The following CHD8 variants were observed in gnomAD, a reference collection of about 807,000 sequenced individuals.
The protein encoded by CHD8 is chromodomain helicase DNA binding protein 8.
A neutral mutation model predicts 279.2 loss-of-function variants in CHD8; 31 were observed. The ratio of observed to expected loss-of-function variants is 0.11; its 90% CI spans 0.08 to 0.15. The LOEUF (loss-of-function observed/expected upper bound fraction) is 0.15, where lower values mean the gene tolerates loss of function less well. Among genes scored for constraint, CHD8 ranks in the 10% least tolerant of loss-of-function variants. The pLI is 1.00. For missense variants in CHD8, 2,146 were observed against 3,230.5 expected, an observed-to-expected ratio of 0.66 and a Z score of 8.14; for synonymous variants, 1,081 against 1,139.6, an observed-to-expected ratio of 0.95 and a Z score of 1.04.
At chr14:21,406,161 T>C (rs1888247070) in intron 14 of CHD8, among the ~76,000 whole-genome samples, 1 of 152,224 alleles carries the variant, frequency 6.6e-6, no homozygotes, top group African/African-American at 2.4e-5. Context: ...TGTCTCTCCA[T>C]ATTCAACTCC....
At chr14:21,410,279 A>G (rs550377830) in intron 10 of CHD8, among the ~76,000 whole-genome samples, 1 of 152,362 alleles carries the variant, frequency 6.6e-6, no homozygotes, top group African/African-American at 2.4e-5. Context: ...ATGAAAAAAA[A>G]AAGACTAATC....
At chr14:21,450,624 AG>A (rs1446161928) in intron 1 of CHD8, among the ~76,000 whole-genome samples, 2 of 152,066 alleles carry the variant, frequency 1.3e-5, no homozygotes, top group Non-Finnish European at 2.9e-5. Context: ...ACTGCACTCC[AG>A]CCTACATAAC....
rs900512411 is a variant in CHD8 at position 21,409,941 on chromosome 14, A to G, written c.2274T>C (p.Asp758=). Residue 758 remains aspartate (D), a synonymous_variant, in exon 11 of 38, where the codon GAT becomes GAC. Transcript: ENST00000646647. The stretch of plus-strand genomic sequence containing the variant: ...CATCTTCTTTTAGCTCCCATGTGCT[A>G]TCCTCATAGGGCAGAGAGCACCATT... ...LVKWCSLPYE[D]STWELKEDVD... is the part of the protein sequence containing the mutation. 4 of 1,613,260 alleles carry G rather than the reference A, an allele frequency of 2.5e-6. No individual in the cohort carries two copies. The highest frequency in any genetic ancestry group is 3.4e-6 in the Non-Finnish European group (4 of 1,179,386).
intron 5 of CHD8, chr14:21,416,456 C>T (rs1017891987): frequency 1.3e-5 from 2 of 152,256 alleles, no homozygotes; most frequent in South Asian, 4.1e-4. Context: ...AGCAACACTT[C>T]CAGCTCATGA....
In CHD8 at chr14:21,408,888, G is replaced by T. The variant is rs1355056606; in HGVS notation, c.2365-63C>A. 6.6e-7 allele frequency: 1 copy of T among 1,516,060 alleles called. No homozygotes were observed. Among genetic ancestry groups the T allele is most frequent in the African/African-American group, 1.4e-5 (1 of 72,156 alleles). 93.9% of individuals were successfully genotyped at this position (1,516,060 alleles called of 1,614,324 possible). Reference sequence around the variant, plus strand: ...ATTATCAAAAGGTAAGACTTACTAGGTAAGTTCTAATAGTTAAAATCAATT... The same window carrying T: ...ATTATCAAAAGGTAAGACTTACTAGTTAAGTTCTAATAGTTAAAATCAATT... On this transcript the variant is annotated intron_variant, in intron 11 of 37. Transcript: ENST00000646647. This position sits in a 1 kb window ranked among gnomAD's most constrained non-coding sequence, Gnocchi z 4.3.
Position 21,390,952 on chromosome 14 carries a change from TC to T in CHD8, c.7176del (p.Lys2394ArgfsTer36). 1.3e-6 allele frequency: 2 copies of T among 1,563,338 alleles called. No individual in the cohort carries two copies. The highest frequency in any genetic ancestry group is 1.1e-5 in the South Asian group (1 of 87,244). On this transcript the variant is annotated frameshift_variant, in exon 37 of 38. Coordinates refer to ENST00000646647, the MANE Select transcript of CHD8 (RefSeq NM_001170629.2). LOFTEE classifies it high-confidence loss of function. ...AATGCTGCAATTTCTCTCACCTTTT[TC>T]CCATTTCTAGAGTTAGCTGTCTGTA... Reference protein sequence around the residue: ...EPVQTANSRNGKKGHHTETVF... With the variant: ...EPVQTANSRNXKKGHHTETVF...
intron 1 of CHD8, among the ~76,000 whole-genome samples, chr14:21,432,248 TATAG>T (rs1389075164): frequency 6.6e-6 from 1 of 152,220 alleles, no homozygotes; most frequent in East Asian, 1.9e-4. Context: ...ACAGTGACTC[TATAG>T]ATAAAGGTTT....
At chr14:21,442,407 G>A (rs541139202) in intron 1 of CHD8, among the ~76,000 whole-genome samples, 25 of 152,190 alleles carry the variant, frequency 1.6e-4, no homozygotes, top group Admixed American at 5.9e-4. Flanking sequence ...TGAGGTTGCA[G>A]TGAGTCAAGA....
rs770933277 is a variant in CHD8, at chr14:21,406,950, C to T, written c.2813G>A (p.Arg938His). 2.5e-6 allele frequency: 4 copies of T among 1,611,728 alleles called. No individual in the cohort carries two copies. Among genetic ancestry groups the T allele is most frequent in the East Asian group, 4.5e-5 (2 of 44,848 alleles). Residue 938 changes from arginine to histidine, a missense_variant, in exon 14 of 38, where the codon CGT becomes CAT. Arg to His is a conservative substitution (Grantham distance 29). This residue lies in a region of CHD8 where 211 missense variants were observed against 464.7 expected (regional missense o/e 0.45). Coordinates refer to ENST00000646647, the MANE Select transcript of CHD8 (RefSeq NM_001170629.2). ...GATAACACAACGCCATTCAATTTCA[C>T]GAAGCTCAGGACAATCTGACAAAAT... ...EMILSDCPEL[R>H]EIEWRCVIID...
chr14:21,399,850 A>G (rs1267112996), intron 25 of CHD8, 131 bp downstream of exon 25: 23 of 982,460 alleles, frequency 2.3e-5, no homozygotes, highest in Non-Finnish European at 3.7e-5. Flanking sequence ...AGTGTCAAGT[A>G]TAAGATTAAA....
intron 1 of CHD8, among the ~76,000 whole-genome samples, chr14:21,433,020 T>C (rs182369989): frequency 1.3e-5 from 2 of 152,328 alleles, no homozygotes; most frequent in East Asian, 1.9e-4. Context: ...CACAACTCTG[T>C]ACCATGGCCC....
Position 21,386,138 on chromosome 14 carries a change from T to G in CHD8, c.7221A>C (p.Pro2407=). The G allele has an allele frequency of 6.4e-7, 1 of 1,552,450 alleles. No homozygotes were observed. The highest frequency in any genetic ancestry group is 8.7e-7 in the Non-Finnish European group (1 of 1,147,474). The change falls in exon 38 of 38, where the codon CCA becomes CCC. Residue 2407 remains proline, a synonymous_variant. Transcript: ENST00000646647. The part of the protein sequence containing the change: ...HTETVFNRVL[P]GPIAPESSKK... ...TGCTGCTCTCTGGTGCAATAGGCCC[T>G]GGCAAAACCCGGTTGAACACCGTTT...
intron 37 of CHD8, among the ~76,000 whole-genome samples, chr14:21,390,639 G>A (rs950150889): frequency 2.6e-5 from 4 of 152,064 alleles, no homozygotes; most frequent in Middle Eastern, 3.4e-3. Flanking sequence ...TTAGCCAGGC[G>A]CGGTGGCAGG....
At chr14:21,396,094 T>C (rs566594878) in intron 27 of CHD8, among the ~76,000 whole-genome samples, 2 of 152,238 alleles carry the variant, frequency 1.3e-5, no homozygotes, top group South Asian at 4.2e-4. Flanking sequence ...CCTCCTGGAC[T>C]CAAGCGATCC....
At chr14:21,454,832 T>A (rs117736327) in intron 1 of CHD8, 1,919 of 152,352 alleles carry the variant, frequency 0.013, 32 homozygotes, top group South Asian at 0.031. Flanking sequence ...TCTTGCTCTA[T>A]GAGGTTGACT....
intron 1 of CHD8, among the ~76,000 whole-genome samples, chr14:21,455,706 G>A (rs775319803): frequency 8.8e-5 from 13 of 147,690 alleles, no homozygotes; most frequent in Non-Finnish European, 2.0e-4. Context: ...TCTCTGAAGA[G>A]AGGAGAACAA....
At position 21,429,147 on chromosome 14, in the gene CHD8, C is replaced by T. The variant is rs764520731; in HGVS notation, c.1032G>A (p.Val344=). The T allele has an allele frequency of 1.9e-5, 31 of 1,613,998 alleles. No individual in the cohort carries two copies. Among genetic ancestry groups the T allele is most frequent in the Non-Finnish European group, 2.5e-5 (30 of 1,179,880 alleles). The part of the protein sequence containing the change: ...PAKVVTIQLQ[V]QQPQQKIQIV... ...TCTGGATTTTTTGCTGTGGCTGCTGCACCTGCAGCTGGATAGTTACTACCT... is the reference window on the plus strand; with the variant it reads ...TCTGGATTTTTTGCTGTGGCTGCTGTACCTGCAGCTGGATAGTTACTACCT... The change falls in exon 3 of 38, where the codon GTG becomes GTA. Residue 344 remains valine, a synonymous_variant. Coordinates refer to ENST00000646647, the MANE Select transcript of CHD8 (RefSeq NM_001170629.2).
chr14:21,422,534 T>G (rs1025388675), intron 5 of CHD8, among the ~76,000 whole-genome samples: 1 of 152,212 alleles, frequency 6.6e-6, no homozygotes, highest in African/African-American at 2.4e-5. Flanking sequence ...CCTCTAAGCC[T>G]TATTTAACCT....
At chr14:21,441,750 G>A (rs941330750) in intron 1 of CHD8, among the ~76,000 whole-genome samples, 15 of 152,122 alleles carry the variant, frequency 9.9e-5, no homozygotes, top group East Asian at 1.9e-4. Context: ...TTAGCTGGGC[G>A]TGGTGGTGGG....
Sources: allele counts gnomAD v4.1 joint callset (sites outside exome capture counted in the v4.1 genomes callset), GRCh38; gene constraint gnomAD v4.1.1; regional missense constraint gnomAD v4.1.1; non-coding constraint Gnocchi (gnomAD v3.1); transcripts MANE v1.5; gene names NCBI Gene and HGNC (gene_info 2026-07-23, HGNC 2026-07-21).